Variants in KHDRBS2 observed in about 807,000 individuals in gnomAD.
KHDRBS2 encodes KH domain-containing, RNA-binding, signal transduction-associated protein 2.
Under a neutral mutation model 44.3 loss-of-function variants are expected in KHDRBS2, and 26 were observed. The ratio of observed to expected loss-of-function variants is 0.59; its 90% CI spans 0.43 to 0.81. The LOEUF is 0.81. Among genes scored for constraint, KHDRBS2 ranks in the 40% least tolerant of loss-of-function variants. The probability of loss-of-function intolerance (pLI) is 0.00; values close to 1 mark genes in which losing one functional copy is unlikely to be tolerated. For synonymous variants in KHDRBS2, 194 were observed against 151.1 expected (o/e 1.28, Z -2.08); for missense variants, 476 against 433.1 (o/e 1.10, Z -0.88).
Position 61,805,101 on chromosome 6 carries a change from C to T in KHDRBS2, c.811-72337G>A, listed in dbSNP as rs191851142. 2.2e-3 allele frequency among the ~76,000 whole-genome samples: 342 copies of T among 152,234 alleles called. 2 individuals carry two copies. Among genetic ancestry groups the T allele is most frequent in the African/African-American group, 8.0e-3 (333 of 41,538 alleles). On this transcript the variant is annotated intron_variant, in intron 6 of 8. Coordinates refer to ENST00000281156, the MANE Select transcript of KHDRBS2 (RefSeq NM_152688.4). ...ATTCCAAACCATCTCTTTGTGAATACATAAAACTGAATGCTTTTAACAGCA... is the reference window on the plus strand; with the variant it reads ...ATTCCAAACCATCTCTTTGTGAATATATAAAACTGAATGCTTTTAACAGCA...
intron 2 of KHDRBS2, among the ~76,000 whole-genome samples, chr6:62,064,277 C>A (rs1034615724): frequency 8.7e-5 from 13 of 149,688 alleles, no homozygotes; most frequent in African/African-American, 1.7e-4. Flanking sequence ...TTGGAAAAAA[C>A]TACTTTAAAG....
chr6:61,947,770 C>T (rs1813662978), intron 4 of KHDRBS2, among the ~76,000 whole-genome samples: 1 of 151,860 alleles, frequency 6.6e-6, no homozygotes, highest in Non-Finnish European at 1.5e-5. Context: ...CATGAATATA[C>T]TGAGTCATAA....
intron 6 of KHDRBS2, among the ~76,000 whole-genome samples, chr6:61,796,528 C>T (rs970612711): frequency 1.3e-5 from 2 of 151,792 alleles, no homozygotes; most frequent in Non-Finnish European, 2.9e-5. Flanking sequence ...GCTTTTGAGT[C>T]TATTTTTCTT....
At chr6:62,034,234 T>C (rs1784850158) in intron 3 of KHDRBS2, among the ~76,000 whole-genome samples, 1 of 151,918 alleles carries the variant, frequency 6.6e-6, no homozygotes, top group Non-Finnish European at 1.5e-5. Flanking sequence ...CTTTTACTGC[T>C]GAATTCTGCC....
chr6:61,685,606 A>G (rs770205555), intron 8 of KHDRBS2, among the ~76,000 whole-genome samples: 69 of 151,818 alleles, frequency 4.5e-4, no homozygotes, highest in Non-Finnish European at 9.0e-4. Context: ...CAGACTGCCT[A>G]GAGTGCATCT....
intron 4 of KHDRBS2, among the ~76,000 whole-genome samples, chr6:61,954,696 ACATATG>A (rs1562511922): frequency 3.8e-5 from 4 of 105,326 alleles, no homozygotes; most frequent in South Asian, 2.8e-4. Context: ...ATGTATACAT[ACATATG>A]TGTATATACA....
the KHDRBS2 span, among the ~76,000 whole-genome samples, chr6:61,653,251 G>T: frequency 6.6e-6 from 1 of 152,078 alleles, no homozygotes. Flanking sequence ...TTGTTAAAGT[G>T]CCTCTGTTCC....
the KHDRBS2 span, among the ~76,000 whole-genome samples, chr6:61,555,172 T>C: frequency 2.0e-5 from 3 of 152,192 alleles, no homozygotes; most frequent in African/African-American, 7.2e-5. Flanking sequence ...CTTTAAATAA[T>C]CCTATATTAT....
intron 2 of KHDRBS2, among the ~76,000 whole-genome samples, chr6:62,063,537 T>C (rs78296159): frequency 0.71 from 107,109 of 150,272 alleles, 39,450 homozygotes; most frequent in East Asian, 0.82. Context: ...ACCACATGAT[T>C]ATCTCAATAG....
chr6:61,678,057 C>T (rs1310704200), downstream of KHDRBS2, among the ~76,000 whole-genome samples: 1 of 151,494 alleles, frequency 6.6e-6, no homozygotes, highest in African/African-American at 2.4e-5. Flanking sequence ...AAGATTAAAA[C>T]TTGGGGTTTA....
the KHDRBS2 span, among the ~76,000 whole-genome samples, chr6:61,575,274 A>T: frequency 6.6e-6 from 1 of 152,194 alleles, no homozygotes; most frequent in Non-Finnish European, 1.5e-5. Context: ...CAAGAAAAAC[A>T]CAAATAATCC....
At chr6:61,917,106 G>T (rs1187337519) in intron 4 of KHDRBS2, among the ~76,000 whole-genome samples, 2 of 150,072 alleles carry the variant, frequency 1.3e-5, no homozygotes, top group Non-Finnish European at 3.0e-5. Context: ...CTATCCAAAC[G>T]AGTTGAAAAC....
rs573992307 is a variant in KHDRBS2 at position 61,955,743 on chromosome 6, G to A, written c.483+22323C>T. 2.5e-4 allele frequency among the ~76,000 whole-genome samples: 31 copies of A among 122,456 alleles called. No individual in the cohort carries two copies. In the East Asian group the frequency reaches 7.4e-3, roughly 29 times the overall value. The allele number at this position is 122,456 out of a possible 152,430, so 80.3% of individuals were successfully genotyped here. ...GTATACATATATAGACAGAGAGAGAGGTAGACAGACAGAGAGAGAGAATGT... is the reference window on the plus strand; with the variant it reads ...GTATACATATATAGACAGAGAGAGAAGTAGACAGACAGAGAGAGAGAATGT... On this transcript the variant is annotated intron_variant, in intron 4 of 8. Coordinates refer to ENST00000281156, the MANE Select transcript of KHDRBS2 (RefSeq NM_152688.4).
intron 6 of KHDRBS2, among the ~76,000 whole-genome samples, chr6:61,777,932 T>G (rs924894327): frequency 3.3e-5 from 5 of 152,104 alleles, no homozygotes; most frequent in Non-Finnish European, 7.4e-5. Flanking sequence ...GTTTGTCGTA[T>G]GAATTATTTC....
the KHDRBS2 span, among the ~76,000 whole-genome samples, chr6:61,565,799 T>A: frequency 1.3e-5 from 2 of 152,076 alleles, no homozygotes. Flanking sequence ...GAAAACAGTA[T>A]GAAATTTCCT....
chr6:61,684,969 C>T (rs754837824), intron 8 of KHDRBS2, among the ~76,000 whole-genome samples: 7 of 151,416 alleles, frequency 4.6e-5, no homozygotes, highest in Non-Finnish European at 1.0e-4. Context: ...TTGAAGATCT[C>T]CTATATGCCA....
At chr6:62,056,167 G>C (rs1291549956) in intron 2 of KHDRBS2, among the ~76,000 whole-genome samples, 1 of 151,798 alleles carries the variant, frequency 6.6e-6, no homozygotes. Flanking sequence ...TTGTTTGCCT[G>C]TCAGAATCAT....
At chr6:62,229,025 TC>T (rs1364472001) in intron 1 of KHDRBS2, among the ~76,000 whole-genome samples, 3 of 152,160 alleles carry the variant, frequency 2.0e-5, no homozygotes, top group African/African-American at 7.2e-5. Context: ...ACTTTGACTG[TC>T]CCTTGGTGGA....
intron 1 of KHDRBS2, among the ~76,000 whole-genome samples, chr6:62,269,989 A>T (rs1254975946): frequency 1.3e-5 from 2 of 152,148 alleles, no homozygotes; most frequent in Non-Finnish European, 2.9e-5. Context: ...TATACACTAC[A>T]TTATTCCACT....
Sources: allele counts gnomAD v4.1 joint callset (sites outside exome capture counted in the v4.1 genomes callset), GRCh38; gene constraint gnomAD v4.1.1; transcripts MANE v1.5; gene names NCBI Gene and HGNC (gene_info 2026-07-23, HGNC 2026-07-21).